The following CFAP54 variants were observed in gnomAD, a reference collection of about 807,000 sequenced individuals.
CFAP54 encodes the protein cilia and flagella associated protein 54.
Under a neutral mutation model 370.4 loss-of-function variants are expected in CFAP54, and 290 were observed. That is an observed-to-expected ratio of 0.78 (90% CI 0.71 to 0.86). CFAP54 has a LOEUF of 0.86. CFAP54 is among the 40% of genes least tolerant of loss of function. The pLI is 0.00. For synonymous variants in CFAP54, 1,206 were observed against 1,236.5 expected (o/e 0.98, Z 0.52); for missense variants, 3,399 against 3,528.7 (o/e 0.96, Z 0.93).
At chr12:96,793,204 G>A (rs1029714886) in intron 63 of CFAP54, among the ~76,000 whole-genome samples, 3 of 151,696 alleles carry the variant, frequency 2.0e-5, no homozygotes, top group African/African-American at 7.3e-5. Context: ...CCTCTCCCCC[G>A]AGCCCCCAAA....
intron 66 of CFAP54, among the ~76,000 whole-genome samples, chr12:96,855,702 G>A (rs1959684122): frequency 6.6e-6 from 1 of 152,246 alleles, no homozygotes; most frequent in African/African-American, 2.4e-5. Flanking sequence ...TGCGTTTGCA[G>A]GGTATAGCCC....
chr12:96,628,486 C>T (rs1956569670), intron 30 of CFAP54, among the ~76,000 whole-genome samples: 1 of 151,976 alleles, frequency 6.6e-6, no homozygotes, highest in Non-Finnish European at 1.5e-5. Flanking sequence ...GGTCAAGCAC[C>T]CTGGTAGTGA....
intron 11 of CFAP54, among the ~76,000 whole-genome samples, chr12:96,535,089 C>T (rs1955488475): frequency 6.6e-6 from 1 of 151,494 alleles, no homozygotes; most frequent in Non-Finnish European, 1.5e-5. Flanking sequence ...GTCACAGTCT[C>T]ACTCTGTTGC....
At chr12:96,777,986 A>T (rs1261289767) in intron 60 of CFAP54, among the ~76,000 whole-genome samples, 1 of 152,228 alleles carries the variant, frequency 6.6e-6, no homozygotes, top group Non-Finnish European at 1.5e-5. Context: ...CATTTGTAGT[A>T]CAACTGTTAT....
chr12:96,634,802 A>T (rs961152632), intron 32 of CFAP54, among the ~76,000 whole-genome samples: 1 of 152,142 alleles, frequency 6.6e-6, no homozygotes, highest in Non-Finnish European at 1.5e-5. Flanking sequence ...TTACCTGCGG[A>T]TATCTAATTG....
rs1317849268 is a variant in CFAP54, at chr12:96,693,949, T to C, written c.6351+141T>C. 5 of 507,488 alleles carry C rather than the reference T, an allele frequency of 9.9e-6. No individual in the cohort carries two copies. The East Asian group carries it at 1.7e-4, about 17-fold the overall frequency. 31.4% of individuals were successfully genotyped at this position (507,488 alleles called of 1,614,324 possible). A position where few individuals can be genotyped will look rare whatever the true frequency, so the allele number is the denominator to read the frequency against. On this transcript the variant is annotated intron_variant, in intron 45 of 67. Coordinates refer to ENST00000524981, the MANE Select transcript of CFAP54 (RefSeq NM_001306084.2). The stretch of plus-strand genomic sequence containing the variant: ...GATGTAAGAAATAACTTACCCATTA[T>C]TATAATAAAGTATGAGAAAGAGCCA...
Position 96,534,194 on chromosome 12 carries a change from A to T in CFAP54, c.1672A>T (p.Thr558Ser), listed in dbSNP as rs2160501. 1 of 1,447,642 alleles carries T rather than the reference A, an allele frequency of 6.9e-7. No homozygotes were observed. Among genetic ancestry groups the T allele is most frequent in the Non-Finnish European group, 9.2e-7 (1 of 1,082,634 alleles). The allele number at this position is 1,447,642 out of a possible 1,614,324, so 89.7% of individuals were successfully genotyped here. The change falls in exon 11 of 68, where the codon ACT becomes TCT. Residue 558 changes from threonine (T) to serine (S), a missense_variant. Thr to Ser is a moderately conservative substitution (Grantham distance 58). This residue lies in a region of CFAP54 where 2,796 missense variants were observed against 2,869.7 expected (regional missense o/e 0.97). Transcript: ENST00000524981. ...PLENYKEGQS[T>S]QIYLKKIAVH... is the part of the protein sequence containing the mutation. Reference sequence around the variant, plus strand: ...GGAAAACTATAAAGAAGGACAGTCAACTCAAATTTATTTAAAAAAAATTGC... The same window carrying T: ...GGAAAACTATAAAGAAGGACAGTCATCTCAAATTTATTTAAAAAAAATTGC...
At position 96,728,800 on chromosome 12, in the gene CFAP54, T is replaced by A. The variant is rs569899050; in HGVS notation, c.6965+8235T>A. ...TTTCTGCTCTGTTTTTTCCCCATCT[T>A]TATGGTTTTATCTGCTTTGGGTCTT... On this transcript the variant is annotated intron_variant, in intron 50 of 67. Transcript: ENST00000524981. Among the ~76,000 whole-genome samples the A allele has an allele frequency of 4.6e-3, 701 of 152,230 alleles. 1 individual carries two copies. Among genetic ancestry groups the A allele is most frequent in the Non-Finnish European group, 8.4e-3 (571 of 68,016 alleles).
chr12:96,501,737 G>A (rs1955029366), intron 2 of CFAP54, among the ~76,000 whole-genome samples: 1 of 152,120 alleles, frequency 6.6e-6, no homozygotes, highest in South Asian at 2.1e-4. Flanking sequence ...CTGTTTTCTG[G>A]ACTTTAATCC....
chr12:96,767,767 T>C (rs1351045957), intron 60 of CFAP54, among the ~76,000 whole-genome samples: 4 of 152,138 alleles, frequency 2.6e-5, no homozygotes, highest in African/African-American at 9.7e-5. Flanking sequence ...AAATAAAACT[T>C]GTTTGATTTT....
intron 36 of CFAP54, among the ~76,000 whole-genome samples, chr12:96,652,588 C>T (rs573617030): frequency 1.3e-5 from 2 of 152,112 alleles, no homozygotes; most frequent in Non-Finnish European, 2.9e-5. Context: ...AACAAAGGAA[C>T]AAAAAACATG....
At chr12:96,524,299 A>C (rs1020355662) in intron 8 of CFAP54, among the ~76,000 whole-genome samples, 1 of 152,178 alleles carries the variant, frequency 6.6e-6, no homozygotes, top group Non-Finnish European at 1.5e-5. Flanking sequence ...GTGGAGAATT[A>C]TATCATAAAT....
intron 19 of CFAP54, chr12:96,572,959 G>T (rs1027034022): frequency 4.6e-5 from 45 of 985,284 alleles, no homozygotes; most frequent in Non-Finnish European, 7.2e-6. Flanking sequence ...AGGTGCTAGT[G>T]TTCAATTGGT....
intron 17 of CFAP54, among the ~76,000 whole-genome samples, chr12:96,560,239 G>C (rs1955801257): frequency 6.6e-6 from 1 of 152,090 alleles, no homozygotes; most frequent in Non-Finnish European, 1.5e-5. Flanking sequence ...CTAACAATAT[G>C]TTTGTACTCA....
chr12:96,726,258 T>C (rs1349434753), intron 50 of CFAP54, among the ~76,000 whole-genome samples: 9 of 151,896 alleles, frequency 5.9e-5, no homozygotes, highest in East Asian at 1.9e-4. Context: ...ATGGTACCAG[T>C]TCCTCCTTGT....
chr12:96,495,650 C>G (rs1040758302), intron 1 of CFAP54, among the ~76,000 whole-genome samples: 3 of 151,944 alleles, frequency 2.0e-5, no homozygotes, highest in African/African-American at 7.3e-5. Context: ...TTTTACATAT[C>G]TAGCAACAGT....
At chr12:96,642,103 G>T (rs1956737526) in intron 32 of CFAP54, among the ~76,000 whole-genome samples, 1 of 151,876 alleles carries the variant, frequency 6.6e-6, no homozygotes, top group Non-Finnish European at 1.5e-5. Flanking sequence ...GGTATTTGTG[G>T]TAGGTTTTGT....
At chr12:96,704,702 A>G (rs749585368) in intron 46 of CFAP54, 41 bp from the exon 47 acceptor site, 1 of 910,696 alleles carries the variant, frequency 1.1e-6, no homozygotes, top group Non-Finnish European at 1.6e-6. Context: ...AGAATACTCA[A>G]GTAATCTTGT....
At chr12:96,600,774 G>A (rs907654588) in intron 26 of CFAP54, among the ~76,000 whole-genome samples, 12 of 152,178 alleles carry the variant, frequency 7.9e-5, no homozygotes, top group African/African-American at 2.9e-4. Flanking sequence ...TGTTAATGGT[G>A]TATAGGAATG....
Sources: allele counts gnomAD v4.1 joint callset (sites outside exome capture counted in the v4.1 genomes callset), GRCh38; gene constraint gnomAD v4.1.1; regional missense constraint gnomAD v4.1.1; transcripts MANE v1.5; gene names NCBI Gene and HGNC (gene_info 2026-07-23, HGNC 2026-07-21).